The following HTR3B variants were observed in gnomAD, a reference collection of about 807,000 sequenced individuals.
The protein encoded by HTR3B is 5-hydroxytryptamine (serotonin) receptor 3B, ionotropic.
In HTR3B, 44 loss-of-function variants were observed where a neutral mutation model predicts 42.8. That is an observed-to-expected ratio of 1.03 (90% CI 0.81 to 1.32). The LOEUF is 1.32. Ranked by LOEUF, HTR3B falls within the 40% of genes most tolerant of loss-of-function variation. The pLI is 0.00. For synonymous variants in HTR3B, 203 were observed against 209.0 expected (o/e 0.97, Z 0.25); for missense variants, 527 against 536.5 (o/e 0.98, Z 0.17).
intron 2 of HTR3B, among the ~76,000 whole-genome samples, chr11:113,930,185 T>C (rs567815694): frequency 2.8e-4 from 43 of 152,196 alleles, no homozygotes; most frequent in Non-Finnish European, 5.1e-4. Context: ...CTTGATGGTG[T>C]TCTTTAAAGC....
chr11:113,918,267 T>TAG (rs1949876050), intron 2 of HTR3B, among the ~76,000 whole-genome samples: 1 of 104,008 alleles, frequency 9.6e-6, no homozygotes, highest in Admixed American at 9.3e-5. Context: ...TTGTGTGTAC[T>TAG]CGTGTGTGTG....
At chr11:113,905,410 T>C (rs115091313) in intron 1 of HTR3B, among the ~76,000 whole-genome samples, 1,584 of 152,280 alleles carry the variant, frequency 0.01, 30 homozygotes, top group African/African-American at 0.036. Context: ...AGAGAAAAAG[T>C]CCACTAGATT....
chr11:113,946,209 A>C lies in HTR3B; in HGVS notation c.*72A>C, dbSNP rs1035538921. On this transcript the variant is annotated 3_prime_UTR_variant, in exon 9 of 9. Coordinates refer to ENST00000260191, the MANE Select transcript of HTR3B (RefSeq NM_006028.5). ...GGAGGGGGAATAATAGTGGGTTAAA[A>C]AGCTTTCTGGGTCGGGTGTGGTGGT... 148 of 1,242,282 alleles carry C rather than the reference A, an allele frequency of 1.2e-4. 1 individual carries two copies. Among genetic ancestry groups the C allele is most frequent in the Non-Finnish European group, 1.2e-4 (99 of 859,126 alleles). 77.0% of individuals were successfully genotyped at this position (1,242,282 alleles called of 1,614,324 possible).
intron 2 of HTR3B, among the ~76,000 whole-genome samples, chr11:113,922,152 T>C (rs922421331): frequency 6.6e-6 from 1 of 152,200 alleles, no homozygotes; most frequent in Non-Finnish European, 1.5e-5. Context: ...ATTTTCCTCA[T>C]TTCTCCAAGG....
chr11:113,901,423 A>G (rs1949697168), upstream of HTR3B, among the ~76,000 whole-genome samples: 1 of 151,608 alleles, frequency 6.6e-6, no homozygotes, highest in Admixed American at 6.6e-5. Context: ...CCTGGGCGAC[A>G]GAGTGAAACT....
At chr11:113,933,494 T>TA (rs148501878) in intron 6 of HTR3B, among the ~76,000 whole-genome samples, 1 of 152,086 alleles carries the variant, frequency 6.6e-6, no homozygotes, top group Non-Finnish European at 1.5e-5. Flanking sequence ...ATTTTTTTTT[T>TA]ATTGAGTAAA....
chr11:113,943,391 G>T (rs1311854421), intron 7 of HTR3B, among the ~76,000 whole-genome samples, 199 bp downstream of exon 7: 1 of 152,034 alleles, frequency 6.6e-6, no homozygotes, highest in Non-Finnish European at 1.5e-5. Context: ...AATCAACAGG[G>T]CATTCAGTGC....
intron 2 of HTR3B, among the ~76,000 whole-genome samples, chr11:113,912,336 C>T (rs945101082): frequency 1.3e-5 from 2 of 152,106 alleles, no homozygotes; most frequent in South Asian, 2.1e-4. Context: ...CTCCGCCTCC[C>T]GGGTTCACGC....
At chr11:113,943,275 G>T in intron 7 of HTR3B, 83 bp downstream of exon 7, 1 of 1,198,088 alleles carries the variant, frequency 8.3e-7, no homozygotes, top group South Asian at 1.3e-5. Context: ...GGTGGCTCAT[G>T]CCCGTAATAT....
At chr11:113,942,684 T>G (rs1277557522) in intron 6 of HTR3B, among the ~76,000 whole-genome samples, 10 of 152,126 alleles carry the variant, frequency 6.6e-5, no homozygotes, top group Admixed American at 6.6e-4. Context: ...TAAGTTAAGT[T>G]TATGAGCCAC....
chr11:113,935,767 C>T (rs1950086556), intron 6 of HTR3B, among the ~76,000 whole-genome samples: 1 of 152,198 alleles, frequency 6.6e-6, no homozygotes, highest in African/African-American at 2.4e-5. Context: ...ACCATCTCCT[C>T]TTAATCTACT....
At chr11:113,931,736 T>C (rs1393049021) in intron 3 of HTR3B, 22 bp from the exon 4 acceptor site, 2 of 1,394,828 alleles carry the variant, frequency 1.4e-6, no homozygotes, top group Non-Finnish European at 2.0e-6. Flanking sequence ...TGATAAGTTT[T>C]CTTTTTGGCT....
chr11:113,940,340 C>T (rs1013406428), intron 6 of HTR3B, among the ~76,000 whole-genome samples: 5 of 152,170 alleles, frequency 3.3e-5, no homozygotes, highest in African/African-American at 7.2e-5. Flanking sequence ...GTGGTCACCC[C>T]GTCACCCCGA....
chr11:113,908,904 A>C, intron 1 of HTR3B: 1 of 248,078 alleles, frequency 4.0e-6, no homozygotes, highest in Non-Finnish European at 7.6e-6. Flanking sequence ...AAAAATCAAA[A>C]GAAAAACCAA....
upstream of HTR3B, among the ~76,000 whole-genome samples, chr11:113,904,414 G>C (rs1418939930): frequency 1.3e-5 from 2 of 152,166 alleles, no homozygotes; most frequent in African/African-American, 2.4e-5. Context: ...GACAATACCA[G>C]GTTTCCATTA....
intron 6 of HTR3B, among the ~76,000 whole-genome samples, chr11:113,934,739 A>G (rs1185505633): frequency 7.2e-6 from 1 of 138,288 alleles, no homozygotes; most frequent in Non-Finnish European, 1.5e-5. Flanking sequence ...TGTAAGGAAA[A>G]GGGAAGGAAA....
chr11:113,934,667 T>C (rs1283161627), intron 6 of HTR3B, among the ~76,000 whole-genome samples: 1 of 152,048 alleles, frequency 6.6e-6, no homozygotes, highest in African/African-American at 2.4e-5. Context: ...TTTGGGCTCT[T>C]GCCTAGAATC....
intron 6 of HTR3B, among the ~76,000 whole-genome samples, chr11:113,941,326 A>C (rs1026116043): frequency 6.6e-6 from 1 of 152,196 alleles, no homozygotes; most frequent in Non-Finnish European, 1.5e-5. Context: ...ATGGGATGAG[A>C]TGACAGTCCA....
chr11:113,929,102 C>T (rs527268634), intron 2 of HTR3B, among the ~76,000 whole-genome samples: 3 of 152,314 alleles, frequency 2.0e-5, no homozygotes, highest in Non-Finnish European at 4.4e-5. Flanking sequence ...CTGTTTTCCA[C>T]AGCAGCTGCA....
Sources: gnomAD v4.1 joint callset for allele counts (sites outside exome capture counted in the v4.1 genomes callset) on GRCh38, gnomAD v4.1.1 for gene constraint, MANE v1.5 for transcripts, NCBI Gene and HGNC (gene_info 2026-07-23, HGNC 2026-07-21) for gene names.